The following CDC123 variants were observed in gnomAD, a reference collection of about 807,000 sequenced individuals.
The protein encoded by CDC123 is cell division cycle 123, also known as translation initiation factor eIF2 assembly protein.
In CDC123, 37 loss-of-function variants were observed where a neutral mutation model predicts 54.4. The observed-to-expected ratio is 0.68, with a 90% confidence interval of 0.52 to 0.89. The LOEUF (loss-of-function observed/expected upper bound fraction) is 0.89, where lower values mean the gene tolerates loss of function less well. Ranked by LOEUF, CDC123 falls within the 40% of genes least tolerant of loss-of-function variation. CDC123 has a pLI of 0.00. For synonymous variants in CDC123, 144 were observed against 136.8 expected (o/e 1.05, Z -0.37); for missense variants, 361 against 412.1 (o/e 0.88, Z 1.07).
intron 6 of CDC123, among the ~76,000 whole-genome samples, chr10:12,228,096 G>T (rs1016885200): frequency 2.0e-5 from 3 of 150,958 alleles, no homozygotes; most frequent in Non-Finnish European, 4.4e-5. Context: ...CCTCCGTACC[G>T]GCTAATTTTT....
intron 6 of CDC123, among the ~76,000 whole-genome samples, chr10:12,218,247 CTTTTTTTTTTT>C (rs34125393): frequency 7.5e-5 from 9 of 119,212 alleles, no homozygotes; most frequent in Non-Finnish European, 1.2e-4. Flanking sequence ...CTTTTTTTTT[CTTTTTTTTTTT>C]TTTTTTGAGG....
intron 12 of CDC123, chr10:12,250,076 G>A (rs1836220559): frequency 2.1e-6 from 1 of 477,262 alleles, no homozygotes; most frequent in African/African-American, 2.0e-5. Context: ...TTTTTGTGTG[G>A]ATTTCTGTGT....
chr10:12,241,996 G>A (rs1023225936), intron 10 of CDC123, among the ~76,000 whole-genome samples: 4 of 152,118 alleles, frequency 2.6e-5, no homozygotes, highest in East Asian at 1.9e-4. Context: ...GGGATTTCCC[G>A]GTCTTTCTCA....
intron 4 of CDC123, 133 bp from the exon 5 acceptor site, chr10:12,215,607 G>T: frequency 2.2e-6 from 1 of 453,958 alleles, no homozygotes; most frequent in South Asian, 5.6e-5. Context: ...GCTGGGTTCA[G>T]AAATTCTGAT....
At chr10:12,238,601 T>G (rs1836010040) in intron 10 of CDC123, 116 bp downstream of exon 10, 1 of 1,263,482 alleles carries the variant, frequency 7.9e-7, no homozygotes, top group East Asian at 2.5e-5. Context: ...TTTGTCTGGG[T>G]GCAGCAGCTC....
intron 11 of CDC123, among the ~76,000 whole-genome samples, chr10:12,249,313 C>T (rs1836206094): frequency 6.6e-6 from 1 of 152,114 alleles, no homozygotes; most frequent in African/African-American, 2.4e-5. Context: ...TGGCGCATGC[C>T]TATAGTCCCA....
chr10:12,243,882 T>C (rs1274713110), intron 10 of CDC123, among the ~76,000 whole-genome samples: 1 of 152,148 alleles, frequency 6.6e-6, no homozygotes, highest in Admixed American at 6.6e-5. Context: ...AGCAGTATTC[T>C]CCAAAATAAA....
At chr10:12,244,445 G>A (rs114234241) in intron 10 of CDC123, among the ~76,000 whole-genome samples, 2,097 of 152,248 alleles carry the variant, frequency 0.014, 57 homozygotes, top group African/African-American at 0.047. Context: ...TCCTGGCGGC[G>A]CAGCCCCTGT....
At chr10:12,239,585 G>T (rs552597121) in intron 10 of CDC123, among the ~76,000 whole-genome samples, 1 of 152,158 alleles carries the variant, frequency 6.6e-6, no homozygotes, top group African/African-American at 2.4e-5. Context: ...GGTGGCGCAT[G>T]CCACCTAGCT....
chr10:12,201,602 GAAGGGT>G (rs1464732001), intron 2 of CDC123, among the ~76,000 whole-genome samples: 2 of 151,814 alleles, frequency 1.3e-5, no homozygotes, highest in Non-Finnish European at 2.9e-5. Context: ...GGGAGTGAGA[GAAGGGT>G]AAGTGGCATG....
At chr10:12,208,859 A>G (rs1050766445) in intron 2 of CDC123, among the ~76,000 whole-genome samples, 5 of 152,174 alleles carry the variant, frequency 3.3e-5, no homozygotes, top group African/African-American at 7.2e-5. Context: ...CTTCAAAGAC[A>G]GCATGCCTGT....
At chr10:12,197,913 A>G (rs1835387385) in intron 1 of CDC123, among the ~76,000 whole-genome samples, 2 of 152,304 alleles carry the variant, frequency 1.3e-5, no homozygotes, top group Admixed American at 6.5e-5. Flanking sequence ...TAAATGAGAC[A>G]TGTTATAAGT....
chr10:12,237,109 G>T, intron 8 of CDC123, 35 bp from the exon 9 acceptor site: 1 of 1,500,132 alleles, frequency 6.7e-7, no homozygotes, highest in Non-Finnish European at 8.9e-7. Context: ...AAAGAATATT[G>T]TATAATAACA....
At position 12,226,665 on chromosome 10, in the gene CDC123, G is replaced by T. The variant is rs901830425; in HGVS notation, c.441-4283G>T. 2.1e-4 allele frequency among the ~76,000 whole-genome samples: 30 copies of T among 139,932 alleles called. 1 individual carries two copies. Among genetic ancestry groups the T allele is most frequent in the African/African-American group, 7.3e-4 (28 of 38,216 alleles). 91.8% of individuals were successfully genotyped at this position (139,932 alleles called of 152,430 possible). The stretch of plus-strand genomic sequence containing the variant: ...CCTCACATCCCAGACGATGGGCTGC[G>T]GGGCAGAGGCGCTCCCCACATCTCA... On this transcript the variant is annotated intron_variant, in intron 6 of 12. Transcript: ENST00000281141.
chr10:12,248,019 G>C (rs183760240), intron 11 of CDC123, among the ~76,000 whole-genome samples: 1 of 151,650 alleles, frequency 6.6e-6, no homozygotes, highest in Non-Finnish European at 1.5e-5. Flanking sequence ...AAAAAGTAAC[G>C]TGCTCATTCT....
intron 11 of CDC123, chr10:12,246,713 C>G (rs1276896914): frequency 6.4e-6 from 1 of 155,434 alleles, no homozygotes; most frequent in African/African-American, 2.4e-5. Context: ...TCATTCCTTC[C>G]TTCCTCTCAG....
intron 4 of CDC123, among the ~76,000 whole-genome samples, chr10:12,211,663 G>A (rs1362632449): frequency 3.3e-5 from 5 of 152,218 alleles, no homozygotes; most frequent in Admixed American, 3.3e-4. Context: ...GTAAACCAGT[G>A]GGAAAGGTGA....
chr10:12,202,293 C>T (rs1835449863), intron 2 of CDC123, among the ~76,000 whole-genome samples: 1 of 152,114 alleles, frequency 6.6e-6, no homozygotes, highest in African/African-American at 2.4e-5. Context: ...TTCGTCAGTT[C>T]TAGAATTTCG....
At chr10:12,229,564 G>A (rs1043681429) in intron 6 of CDC123, among the ~76,000 whole-genome samples, 6 of 152,244 alleles carry the variant, frequency 3.9e-5, no homozygotes, top group Non-Finnish European at 5.9e-5. Context: ...ACTCCCCTCC[G>A]ACACACAGCA....
Sources: allele counts gnomAD v4.1 joint callset (sites outside exome capture counted in the v4.1 genomes callset), GRCh38; gene constraint gnomAD v4.1.1; transcripts MANE v1.5; gene names NCBI Gene and HGNC (gene_info 2026-07-23, HGNC 2026-07-21).